The following DHX9 variants were observed in gnomAD, a reference collection of about 807,000 sequenced individuals.
The protein encoded by DHX9 is DExH-box helicase 9.
Under a neutral mutation model 148.7 loss-of-function variants are expected in DHX9, and 27 were observed. The ratio of observed to expected loss-of-function variants is 0.18; its 90% confidence interval spans 0.13 to 0.25. The LOEUF is 0.25. Among genes scored for constraint, DHX9 ranks in the 10% least tolerant of loss-of-function variants. The pLI is 1.00. For missense variants in DHX9, 796 were observed against 1,559.6 expected, an observed-to-expected ratio of 0.51 and a Z score of 8.25; for synonymous variants, 529 against 516.6, an observed-to-expected ratio of 1.02 and a Z score of -0.33.
chr1:182,887,746 CGAATACT>C lies in DHX9; in HGVS notation c.*313_*319del. Reference sequence around the variant, plus strand: ...TACAATAGAAAATAAAGTATTACACCGAATACTTGCCGTGTAGTTTGTTTGTTGACCT... The same window carrying C: ...TACAATAGAAAATAAAGTATTACACCTGCCGTGTAGTTTGTTTGTTGACCT... On this transcript the variant is annotated 3_prime_UTR_variant, in exon 28 of 28. Coordinates refer to ENST00000367549, the MANE Select transcript of DHX9 (RefSeq NM_001357.5). 8.0e-6 allele frequency: 2 copies of C among 250,842 alleles called. No individual in the cohort carries two copies. The highest frequency in any genetic ancestry group is 1.6e-5 in the Non-Finnish European group (2 of 128,252). The allele number at this position is 250,842 out of a possible 1,614,324, so 15.5% of individuals were successfully genotyped here. A position where few individuals can be genotyped will look rare whatever the true frequency, so the allele number is the denominator to read the frequency against.
intron 24 of DHX9, among the ~76,000 whole-genome samples, chr1:182,882,734 G>A (rs1334444584): frequency 3.3e-5 from 5 of 151,912 alleles, no homozygotes; most frequent in African/African-American, 7.3e-5. Flanking sequence ...GCGTGGTGGC[G>A]GGTGCCTGTA....
At chr1:182,858,406 GTAAA>G (rs1264390444) in intron 8 of DHX9, 141 bp from the exon 9 acceptor site, 28 of 1,041,718 alleles carry the variant, frequency 2.7e-5, no homozygotes, top group Non-Finnish European at 3.8e-5. Flanking sequence ...TAGGCAGTGA[GTAAA>G]TAATCATTGA....
At chr1:182,871,676 C>T (rs1648559895) in intron 14 of DHX9, among the ~76,000 whole-genome samples, 1 of 152,128 alleles carries the variant, frequency 6.6e-6, no homozygotes, top group Non-Finnish European at 1.5e-5. Context: ...TACACTGGGA[C>T]AGTAAACTGT....
intron 12 of DHX9, among the ~76,000 whole-genome samples, chr1:182,865,710 G>GGC (rs1336932388): frequency 6.6e-6 from 1 of 152,114 alleles, no homozygotes; most frequent in South Asian, 2.1e-4. Context: ...TCAAATCCAA[G>GGC]GCACCTTAAA....
chr1:182,843,721 C>G (rs939206053), intron 3 of DHX9, among the ~76,000 whole-genome samples: 3 of 152,164 alleles, frequency 2.0e-5, no homozygotes, highest in African/African-American at 7.2e-5. Flanking sequence ...CTGTTATGTT[C>G]CATTCATTAC....
intron 6 of DHX9, 22 bp downstream of exon 6, chr1:182,854,200 C>T (rs561923985): frequency 6.4e-7 from 1 of 1,571,038 alleles, no homozygotes; most frequent in Middle Eastern, 1.7e-4. Flanking sequence ...TCATTCTTTT[C>T]CTTCTGTAGT....
rs536591119 is a variant in DHX9 at position 182,880,032 on chromosome 1, T to G, written c.2513-465T>G. 2.6e-5 allele frequency among the ~76,000 whole-genome samples: 4 copies of G among 152,288 alleles called. No individual in the cohort carries two copies. The South Asian group carries it at 6.2e-4, about 24-fold the overall frequency. On this transcript the variant is annotated intron_variant, in intron 21 of 27. Transcript: ENST00000367549. ...AGCCACTGTGTCCAGCCTGGAACATTTATTTTTTCTTGCTAAACTTGTTAG... is the reference window on the plus strand; with the variant it reads ...AGCCACTGTGTCCAGCCTGGAACATGTATTTTTTCTTGCTAAACTTGTTAG...
At chr1:182,875,979 G>T in intron 16 of DHX9, 71 bp from the exon 17 acceptor site, 1 of 1,191,188 alleles carries the variant, frequency 8.4e-7, no homozygotes, top group South Asian at 1.3e-5. Flanking sequence ...AGAGTCACTA[G>T]AAGAAATCTA....
At chr1:182,851,763 G>C (rs189398458) in intron 3 of DHX9, among the ~76,000 whole-genome samples, 3 of 152,124 alleles carry the variant, frequency 2.0e-5, no homozygotes, top group Admixed American at 2.0e-4. Flanking sequence ...TAGTACTAAT[G>C]ATCTTATAAG....
At chr1:182,854,854 G>A (rs1414202150) in intron 6 of DHX9, among the ~76,000 whole-genome samples, 5 of 152,142 alleles carry the variant, frequency 3.3e-5, no homozygotes, top group Admixed American at 2.0e-4. Context: ...TTACTCCCAG[G>A]AAGGCTCATA....
intron 15 of DHX9, among the ~76,000 whole-genome samples, chr1:182,873,267 CTT>C (rs1648621740): frequency 6.6e-6 from 1 of 152,042 alleles, no homozygotes; most frequent in South Asian, 2.1e-4. Context: ...TCTTTACTGT[CTT>C]TAGGAGTTGT....
At chr1:182,883,079 A>C in intron 24 of DHX9, 60 bp from the exon 25 acceptor site, 3 of 1,091,684 alleles carry the variant, frequency 2.7e-6, no homozygotes, top group Non-Finnish European at 4.2e-6. Flanking sequence ...AATAGTTTGC[A>C]TGTAATGTGA....
Position 182,879,285 on chromosome 1 carries a change from C to T in DHX9, c.2387C>T (p.Thr796Ile). The T allele has an allele frequency of 6.5e-7, 1 of 1,532,142 alleles. No individual in the cohort carries two copies. Among genetic ancestry groups the T allele is most frequent in the Non-Finnish European group, 8.9e-7 (1 of 1,122,064 alleles). 94.9% of individuals were successfully genotyped at this position (1,532,142 alleles called of 1,614,324 possible). A position where few individuals can be genotyped will look rare whatever the true frequency, so the allele number is the denominator to read the frequency against. ...CACATGACACCAGAGATGTTCCGAA[C>T]ACCATTGCATGAAATTGCTCTTAGC... ...ETHMTPEMFR[T>I]PLHEIALSIK... is the part of the protein sequence containing the mutation. Residue 796 changes from threonine (T) to isoleucine (I), a missense_variant, in exon 21 of 28, where the codon ACA becomes ATA. This residue lies in a region of DHX9 where 122 missense variants were observed against 289.3 expected (regional missense o/e 0.42). Transcript: ENST00000367549.
At chr1:182,866,340 C>T in intron 12 of DHX9, 104 bp from the exon 13 acceptor site, 1 of 1,118,598 alleles carries the variant, frequency 8.9e-7, no homozygotes, top group Non-Finnish European at 1.3e-6. Context: ...GTTAATTATT[C>T]AACTAGCAGT....
intron 3 of DHX9, among the ~76,000 whole-genome samples, chr1:182,844,809 G>A (rs897806016): frequency 1.3e-5 from 2 of 152,098 alleles, no homozygotes; most frequent in African/African-American, 2.4e-5. Context: ...GAGCTACGGC[G>A]CCTGGCCCAC....
chr1:182,845,429 GAA>G (rs77781676), intron 3 of DHX9, among the ~76,000 whole-genome samples: 1 of 138,594 alleles, frequency 7.2e-6, no homozygotes, highest in Non-Finnish European at 1.6e-5. Flanking sequence ...TATGTAAGTG[GAA>G]AAAAAAAAAA....
At chr1:182,852,390 C>G (rs755668117) in intron 4 of DHX9, 46 bp downstream of exon 4, 6 of 1,290,914 alleles carry the variant, frequency 4.6e-6, no homozygotes, top group Non-Finnish European at 5.4e-6. Flanking sequence ...AAGATATACA[C>G]AATCTTGATC....
chr1:182,844,430 C>G (rs1220946421), intron 3 of DHX9, among the ~76,000 whole-genome samples: 1 of 152,208 alleles, frequency 6.6e-6, no homozygotes. Flanking sequence ...CTCAATCAAA[C>G]TCTTGGCCTC....
rs766104358 is a variant in DHX9, at chr1:182,858,186, T to C, written c.756T>C (p.His252=). ...TGTCACTTGTCAGACAACTGTACCA[T>C]CTTGGAGTGGTTGAAGCTTACTCCG... ...CALSLVRQLY[H]LGVVEAYSGL... The change falls in exon 8 of 28, where the codon CAT becomes CAC. Residue 252 remains histidine (H), a synonymous_variant. Coordinates refer to ENST00000367549, the MANE Select transcript of DHX9 (RefSeq NM_001357.5). 1.9e-6 allele frequency: 3 copies of C among 1,614,036 alleles called. No homozygotes were observed. Among genetic ancestry groups the C allele is most frequent in the South Asian group, 2.2e-5 (2 of 91,080 alleles).
Sources: gnomAD v4.1 joint callset for allele counts (sites outside exome capture counted in the v4.1 genomes callset) on GRCh38, gnomAD v4.1.1 for gene constraint, gnomAD v4.1.1 regional missense constraint, MANE v1.5 for transcripts, NCBI Gene and HGNC (gene_info 2026-07-23, HGNC 2026-07-21) for gene names.